CHKA: variants seen among roughly 807,000 people sequenced by gnomAD.
CHKA encodes CHETK-alpha.
A neutral mutation model predicts 60.1 loss-of-function variants in CHKA; 34 were observed. That is an observed-to-expected ratio of 0.57 (90% confidence interval 0.43 to 0.75). The LOEUF (loss-of-function observed/expected upper bound fraction) is 0.75, where lower values mean the gene tolerates loss of function less well. Among genes scored for constraint, CHKA ranks in the 30% least tolerant of loss-of-function variants. CHKA has a pLI of 0.00. For missense variants in CHKA, 563 were observed against 561.3 expected (o/e 1.00, Z -0.03); for synonymous variants, 217 against 223.1 (o/e 0.97, Z 0.24).
Position 68,106,200 on chromosome 11 carries a change from C to T in CHKA, c.351-9070G>A, listed in dbSNP as rs79665595. The stretch of plus-strand genomic sequence containing the variant: ...CAGCACCTCTACGGAGTAATCAGGA[C>T]GGTATTAACCCCCACCTCTCTGAAA... On this transcript the variant is annotated intron_variant, in intron 1 of 11. Coordinates refer to ENST00000265689, the MANE Select transcript of CHKA (RefSeq NM_001277.3). Among the ~76,000 whole-genome samples, 486 of 152,232 alleles carry T rather than the reference C, an allele frequency of 3.2e-3. 2 individuals are homozygous for T. The highest frequency in any genetic ancestry group is 0.011 in the African/African-American group (451 of 41,544).
At chr11:68,092,938 G>A (rs1448593860) in intron 2 of CHKA, among the ~76,000 whole-genome samples, 1 of 151,246 alleles carries the variant, frequency 6.6e-6, no homozygotes, top group East Asian at 1.9e-4. Flanking sequence ...TATGTCAACT[G>A]TCAGATTGTT....
chr11:68,108,578 A>C (rs1858008276), intron 1 of CHKA, among the ~76,000 whole-genome samples: 1 of 152,162 alleles, frequency 6.6e-6, no homozygotes, highest in African/African-American at 2.4e-5. Context: ...CTCCGTCTCT[A>C]CTAAAAATAC....
chr11:68,116,884 T>C (rs1858404228), intron 1 of CHKA, among the ~76,000 whole-genome samples: 1 of 152,158 alleles, frequency 6.6e-6, no homozygotes, highest in Admixed American at 6.6e-5. Context: ...TTTTTCCCTA[T>C]ACCACTCATA....
intron 11 of CHKA, among the ~76,000 whole-genome samples, chr11:68,058,187 G>C (rs1412462182): frequency 6.6e-6 from 1 of 152,178 alleles, no homozygotes; most frequent in Non-Finnish European, 1.5e-5. Flanking sequence ...CACCACACCT[G>C]GATGATTTAC....
intron 1 of CHKA, among the ~76,000 whole-genome samples, chr11:68,100,306 T>A (rs575696484): frequency 6.6e-6 from 1 of 152,308 alleles, no homozygotes; most frequent in Non-Finnish European, 1.5e-5. Context: ...ATGAGAGGCA[T>A]GGGCTGGATG....
intron 1 of CHKA, among the ~76,000 whole-genome samples, chr11:68,119,763 C>T (rs1332701597): frequency 6.6e-6 from 1 of 152,076 alleles, no homozygotes; most frequent in Admixed American, 6.6e-5. Context: ...CCACTGCGCC[C>T]GGCCCGGGAA....
intron 4 of CHKA, 135 bp from the exon 5 acceptor site, chr11:68,070,992 AT>A: frequency 1.2e-6 from 1 of 801,064 alleles, no homozygotes; most frequent in Non-Finnish European, 1.9e-6. Flanking sequence ...TCCCTTAAGA[AT>A]GGACACTGTG....
intron 4 of CHKA, among the ~76,000 whole-genome samples, chr11:68,073,265 T>C (rs566167142): frequency 5.3e-5 from 8 of 152,364 alleles, no homozygotes; most frequent in South Asian, 2.1e-4. Context: ...TACAGTCTCC[T>C]GCAGTTTGAT....
chr11:68,061,520 C>T (rs1288812785), intron 11 of CHKA: 4 of 284,176 alleles, frequency 1.4e-5, no homozygotes, highest in South Asian at 6.5e-5. Context: ...TCGGGCACTA[C>T]AGGCTGGAGA....
chr11:68,069,541 G>A (rs1005876129), intron 6 of CHKA, among the ~76,000 whole-genome samples: 4 of 152,112 alleles, frequency 2.6e-5, no homozygotes, highest in Admixed American at 2.0e-4. Context: ...AAAATTAGCT[G>A]GGTGTGGGGG....
rs138843465 is a variant in CHKA, at chr11:68,080,886, A to G, written c.516+518T>C. Among the ~76,000 whole-genome samples, 1,280 of 152,272 alleles carry G rather than the reference A, an allele frequency of 8.4e-3. 15 individuals carry two copies. The highest frequency in any genetic ancestry group is 0.029 in the African/African-American group (1,203 of 41,552). ...GCTCTTGGCCTCAAGCCATCTGCAC[A>G]TGTGTGTTTCAGAGAGTGGGGTCAC... On this transcript the variant is annotated intron_variant, in intron 3 of 11. Coordinates refer to ENST00000265689, the MANE Select transcript of CHKA (RefSeq NM_001277.3).
chr11:68,077,206 C>T (rs1245234141), intron 3 of CHKA, among the ~76,000 whole-genome samples: 1 of 152,180 alleles, frequency 6.6e-6, no homozygotes, highest in African/African-American at 2.4e-5. Flanking sequence ...CACCACTGCA[C>T]TCCAGCCTGG....
At chr11:68,111,415 GAA>G (rs112678218) in intron 1 of CHKA, among the ~76,000 whole-genome samples, 2 of 122,896 alleles carry the variant, frequency 1.6e-5, no homozygotes, top group African/African-American at 3.0e-5. Context: ...TCCATCTCAA[GAA>G]AAAAAAAAAA....
chr11:68,096,989 C>A, intron 2 of CHKA, 30 bp downstream of exon 2: 1 of 1,481,204 alleles, frequency 6.8e-7, no homozygotes, highest in Non-Finnish European at 9.4e-7. Flanking sequence ...TAACAGGATC[C>A]CCCCCTCCCA....
intron 4 of CHKA, among the ~76,000 whole-genome samples, chr11:68,072,410 G>A (rs911979109): frequency 6.6e-6 from 1 of 151,974 alleles, no homozygotes; most frequent in Non-Finnish European, 1.5e-5. Flanking sequence ...AGTCAAACAT[G>A]GTGGCACGTG....
At chr11:68,057,202 G>A (rs1856054199) in intron 11 of CHKA, among the ~76,000 whole-genome samples, 1 of 152,148 alleles carries the variant, frequency 6.6e-6, no homozygotes, top group South Asian at 2.1e-4. Flanking sequence ...TGAAAGGAAT[G>A]GGAAAAAGCA....
intron 11 of CHKA, among the ~76,000 whole-genome samples, chr11:68,057,331 C>G (rs1856060579): frequency 6.6e-6 from 1 of 151,470 alleles, no homozygotes; most frequent in Admixed American, 6.6e-5. Flanking sequence ...TTCTTTTTTT[C>G]TTTTTTGAGA....
chr11:68,070,752 G>A lies in CHKA; in HGVS notation c.736C>T (p.Pro246Ser), dbSNP rs552858667. 5.0e-6 allele frequency: 8 copies of A among 1,612,364 alleles called. No homozygotes were observed. In the Admixed American group the frequency reaches 1.0e-4, roughly 20 times the overall value. Residue 246 changes from proline (P) to serine (S), a missense_variant, in exon 5 of 12, where the codon CCA becomes TCA. Pro to Ser is a moderately conservative substitution (Grantham distance 74). Coordinates refer to ENST00000265689, the MANE Select transcript of CHKA (RefSeq NM_001277.3). The part of the protein sequence containing the change: ...HGMKMPFNKE[P>S]KWLFGTMEKY... ...TCCATTGTGCCAAAAAGCCATTTTG[G>A]TTCCTTATTGAATGGCATTTTCATA...
In CHKA at chr11:68,097,117, T is replaced by C; in HGVS notation, c.364A>G (p.Asn122Asp). ...GGTAGGGAGCACTGGAACAGCATGT[T>C]GCTAAGGCCGCCTCTGTCAGAAATA... ...HISVIRGGLS[N>D]MLFQCSLPDT... The change falls in exon 2 of 12, where the codon AAC becomes GAC. Residue 122 changes from asparagine to aspartate, a missense_variant. Physicochemically the swap from Asn to Asp is conservative, Grantham distance 23. Coordinates refer to ENST00000265689, the MANE Select transcript of CHKA (RefSeq NM_001277.3). 6.2e-7 allele frequency: 1 copy of C among 1,613,412 alleles called. No individual in the cohort carries two copies.
Sources: allele counts gnomAD v4.1 joint callset (sites outside exome capture counted in the v4.1 genomes callset), GRCh38; gene constraint gnomAD v4.1.1; transcripts MANE v1.5; gene names NCBI Gene and HGNC (gene_info 2026-07-23, HGNC 2026-07-21).